The following SHLD3 variants were observed in gnomAD, a reference collection of about 807,000 sequenced individuals.
SHLD3 encodes the protein shieldin complex subunit 3, also known as REV7-interacting novel NHEJ regulator 1.
Under a neutral mutation model 21.4 loss-of-function variants are expected in SHLD3, and 15 were observed. That is an observed-to-expected ratio of 0.70 (90% CI 0.47 to 1.08). The LOEUF (loss-of-function observed/expected upper bound fraction) is 1.08. SHLD3 is among the 50% of genes least tolerant of loss of function. The pLI, the probability that SHLD3 is intolerant of heterozygous loss-of-function variation, is 0.00. For missense variants in SHLD3, 273 were observed against 286.1 expected, an observed-to-expected ratio of 0.95 and a Z score of 0.33; for synonymous variants, 103 against 97.2, an observed-to-expected ratio of 1.06 and a Z score of -0.35.
Position 65,630,353 on chromosome 5 carries a change from A to G in SHLD3, c.*13A>G, listed in dbSNP as rs1236749826. The G allele has an allele frequency of 8.1e-6, 12 of 1,472,762 alleles. No homozygotes were observed. The highest frequency in any genetic ancestry group is 1.4e-5 in the African/African-American group (1 of 70,774). The allele number at this position is 1,472,762 out of a possible 1,614,324, so 91.2% of individuals were successfully genotyped here. A position where few individuals can be genotyped will look rare whatever the true frequency, so the allele number is the denominator to read the frequency against. On this transcript the variant is annotated 3_prime_UTR_variant, in exon 2 of 2. Transcript: ENST00000510585. ...TTTTAGTATGTAATGAATTCCACTGATTGTCAAAAAGAATATTCTGAATGA... is the reference window on the plus strand; with the variant it reads ...TTTTAGTATGTAATGAATTCCACTGGTTGTCAAAAAGAATATTCTGAATGA...
At chr5:65,628,461 A>ATT (rs753065631) in intron 1 of SHLD3, among the ~76,000 whole-genome samples, 10 of 143,528 alleles carry the variant, frequency 7.0e-5, no homozygotes, top group Admixed American at 1.4e-4. Flanking sequence ...AATCCATATA[A>ATT]TTTTTTTTTT....
intron 1 of SHLD3, among the ~76,000 whole-genome samples, chr5:65,628,330 A>T (rs1755343256): frequency 6.6e-6 from 1 of 152,200 alleles, no homozygotes; most frequent in Non-Finnish European, 1.5e-5. Flanking sequence ...AGTGTCACAA[A>T]ACTGGTTCTT....
In SHLD3 at chr5:65,630,426, A is replaced by C; in HGVS notation, c.*86A>C. On this transcript the variant is annotated 3_prime_UTR_variant, in exon 2 of 2. Coordinates refer to ENST00000510585, the MANE Select transcript of SHLD3 (RefSeq NM_001365341.2). ...TAAAATAATTTTTACAGGTTTTAAAATTTTTAATGACTTTTTAGAATTCCT... is the reference window on the plus strand; with the variant it reads ...TAAAATAATTTTTACAGGTTTTAAACTTTTTAATGACTTTTTAGAATTCCT... The C allele has an allele frequency of 2.1e-6, 3 of 1,405,910 alleles. No homozygotes were observed. The highest frequency in any genetic ancestry group is 3.4e-5 in the South Asian group (2 of 58,280). The allele number at this position is 1,405,910 out of a possible 1,614,324, so 87.1% of individuals were successfully genotyped here.
chr5:65,629,019 A>G (rs1755396547), intron 1 of SHLD3, among the ~76,000 whole-genome samples: 1 of 152,022 alleles, frequency 6.6e-6, no homozygotes, highest in Admixed American at 6.6e-5. Flanking sequence ...ATGGGTTTTC[A>G]CCATGTTGGA....
chr5:65,625,969 A>T (rs1467417583), intron 1 of SHLD3: 3 of 152,224 alleles, frequency 2.0e-5, no homozygotes, highest in African/African-American at 7.2e-5. Flanking sequence ...ATTATGATGT[A>T]GTCATCAGAC....
chr5:65,625,145 C>A, intron 1 of SHLD3, 39 bp downstream of exon 1: 1 of 1,546,548 alleles, frequency 6.5e-7, no homozygotes, highest in Non-Finnish European at 8.9e-7. Flanking sequence ...TTTCTGTTTC[C>A]TTGCATTCCC....
chr5:65,626,287 A>G (rs1186891834), intron 1 of SHLD3: 2 of 152,186 alleles, frequency 1.3e-5, no homozygotes, highest in Non-Finnish European at 2.9e-5. Flanking sequence ...CAGTGTTTCA[A>G]CGCAAGGCCT....
Position 65,625,114 on chromosome 5 carries a change from T to G in SHLD3, c.-121+8T>G. On this transcript the variant is annotated splice_region_variant and intron_variant, in intron 1 of 1. Transcript: ENST00000510585. Reference sequence around the variant, plus strand: ...ACCTGCTGGCGCTAAAAGGTAAACTTTTGCGAACCTGATTCCCCCTTTTCT... The same window carrying G: ...ACCTGCTGGCGCTAAAAGGTAAACTGTTGCGAACCTGATTCCCCCTTTTCT... 1 of 1,611,900 alleles carries G rather than the reference T, an allele frequency of 6.2e-7. No homozygotes were observed. The highest frequency in any genetic ancestry group is 8.5e-7 in the Non-Finnish European group (1 of 1,178,004).
intron 1 of SHLD3, among the ~76,000 whole-genome samples, chr5:65,626,870 G>A (rs1389637334): frequency 2.6e-5 from 4 of 152,176 alleles, no homozygotes; most frequent in African/African-American, 4.8e-5. Context: ...TAAGCCAGGC[G>A]TGGTGGCTCA....
chr5:65,627,289 G>A (rs1237285364), intron 1 of SHLD3, among the ~76,000 whole-genome samples: 1 of 151,980 alleles, frequency 6.6e-6, no homozygotes, highest in African/African-American at 2.4e-5. Flanking sequence ...ACATTTCAAT[G>A]TGCTGATGCT....
At position 65,630,080 on chromosome 5, in the gene SHLD3, T is replaced by C; in HGVS notation, c.493T>C (p.Tyr165His). Residue 165 changes from tyrosine to histidine, a missense_variant, in exon 2 of 2, where the codon TAT (tyrosine) becomes CAT (histidine). Transcript: ENST00000510585. ...AAAGGCACTAAATTTACACTCACTT[T>C]ATAGAGCAAGATGGACAATAGAACA... ...SLKALNLHSL[Y>H]RARWTIEHTI... is the part of the protein sequence containing the mutation. The C allele has an allele frequency of 6.5e-7, 1 of 1,536,104 alleles. No homozygotes were observed. The highest frequency in any genetic ancestry group is 1.4e-5 in the African/African-American group (1 of 73,172).
intron 1 of SHLD3, among the ~76,000 whole-genome samples, chr5:65,628,028 TA>T (rs747595451): frequency 2.0e-5 from 3 of 152,236 alleles, no homozygotes; most frequent in Non-Finnish European, 4.4e-5. Flanking sequence ...GGATTCAACT[TA>T]TTTTTTTCTG....
intron 1 of SHLD3, chr5:65,625,502 A>G: frequency 4.7e-6 from 1 of 214,056 alleles, no homozygotes; most frequent in Non-Finnish European, 9.4e-6. Context: ...TAAAATTAGT[A>G]TTGCATGACA....
chr5:65,628,121 G>C (rs1024872241), intron 1 of SHLD3, among the ~76,000 whole-genome samples: 42 of 152,306 alleles, frequency 2.8e-4, no homozygotes, highest in African/African-American at 8.4e-4. Context: ...GCAGATATTG[G>C]AAGGCTCCAT....
chr5:65,628,319 CAG>C (rs879651050), intron 1 of SHLD3, among the ~76,000 whole-genome samples: 2 of 152,170 alleles, frequency 1.3e-5, no homozygotes, highest in Admixed American at 1.3e-4. Context: ...GAGGAGAAGA[CAG>C]TGTCACAAAA....
In SHLD3 at chr5:65,628,274, T is replaced by C. The variant is rs555464545; in HGVS notation, c.-120-1194T>C. 4.6e-5 allele frequency among the ~76,000 whole-genome samples: 7 copies of C among 152,280 alleles called. No individual in the cohort carries two copies. The East Asian group carries it at 1.4e-3, about 29-fold the overall frequency. ...AAACTGGAATTCAAAAGCCATGGTA[T>C]TGGGGTCTCCATACTGTTTAATTGC... On this transcript the variant is annotated intron_variant, in intron 1 of 1. Coordinates refer to ENST00000510585, the MANE Select transcript of SHLD3 (RefSeq NM_001365341.2).
At position 65,628,583 on chromosome 5, in the gene SHLD3, T is replaced by C. The variant is rs1452533306; in HGVS notation, c.-120-885T>C. Among the ~76,000 whole-genome samples the C allele has an allele frequency of 3.3e-5, 5 of 151,698 alleles. No individual in the cohort carries two copies. The East Asian group carries it at 9.7e-4, about 29-fold the overall frequency. On this transcript the variant is annotated intron_variant, in intron 1 of 1. Transcript: ENST00000510585. Reference sequence around the variant, plus strand: ...ACCTCCCGGGTTCAAGCGATTCTCCTCCCTCAGCCTCCTGAGTAGCTGGGA... The same window carrying C: ...ACCTCCCGGGTTCAAGCGATTCTCCCCCCTCAGCCTCCTGAGTAGCTGGGA...
rs564135035 is a variant in SHLD3 at position 65,629,191 on chromosome 5, C to T, written c.-120-277C>T. 5.3e-5 allele frequency among the ~76,000 whole-genome samples: 8 copies of T among 152,228 alleles called. No homozygotes were observed. In the South Asian group the frequency reaches 8.3e-4, roughly 16 times the overall value. Reference sequence around the variant, plus strand: ...CTATTATTACTTAATATATTAATATCGATACTTCCAAGTCCTTTATATCTA... The same window carrying T: ...CTATTATTACTTAATATATTAATATTGATACTTCCAAGTCCTTTATATCTA... On this transcript the variant is annotated intron_variant, in intron 1 of 1. Transcript: ENST00000510585.
At chr5:65,628,355 A>T (rs1178561743) in intron 1 of SHLD3, among the ~76,000 whole-genome samples, 1 of 152,234 alleles carries the variant, frequency 6.6e-6, no homozygotes, top group East Asian at 1.9e-4. Flanking sequence ...TGGTTAAACC[A>T]TATTAGCAAA....
Sources: gnomAD v4.1 joint callset for allele counts (sites outside exome capture counted in the v4.1 genomes callset) on GRCh38, gnomAD v4.1.1 for gene constraint, MANE v1.5 for transcripts, NCBI Gene and HGNC (gene_info 2026-07-23, HGNC 2026-07-21) for gene names.